CFAP47: variants seen among roughly 807,000 people sequenced by gnomAD.
CFAP47 encodes the protein cilia- and flagella-associated protein 47.
Under a neutral mutation model 148.1 loss-of-function variants are expected in CFAP47, and 29 were observed. The ratio of observed to expected loss-of-function variants is 0.20; its 90% CI spans 0.15 to 0.27. The LOEUF (loss-of-function observed/expected upper bound fraction) is 0.27. Ranked by LOEUF, CFAP47 falls within the 10% of genes least tolerant of loss-of-function variation. The pLI, the probability that CFAP47 is intolerant of heterozygous loss-of-function variation, is 1.00. For synonymous variants in CFAP47, 664 were observed against 577.3 expected, an observed-to-expected ratio of 1.15 and a Z score of -2.15; for missense variants, 1,872 against 1,697.5, an observed-to-expected ratio of 1.10 and a Z score of -1.81.
Position 35,953,680 on chromosome X carries a change from G to A in CFAP47, c.1135G>A (p.Asp379Asn). ...FLRFESVGSK[D>N]GFLRDDDYKT... is the part of the protein sequence containing the mutation. ...GAGATTTGAGTCCGTAGGAAGTAAA[G>A]ATGGATTTTTGAGAGATGATGACTA... Residue 379 changes from aspartate (D) to asparagine (N), a missense_variant, in exon 7 of 64, where the codon GAT becomes AAT. By Grantham distance (23) the Asp-to-Asn change is conservative (BLOSUM62 1). Transcript: ENST00000378653. 8.3e-7 allele frequency: 1 copy of A among 1,203,303 alleles called. No individual in the cohort carries two copies. The highest frequency in any genetic ancestry group is 1.8e-5 in the South Asian group (1 of 56,330).
rs919320013 is a variant in CFAP47 at position 36,099,755 on chromosome X, C to T, written c.5003C>T (p.Ser1668Phe). 1.2e-6 allele frequency: 1 copy of T among 825,436 alleles called. No homozygotes were observed. 68.0% of individuals were successfully genotyped at this position (825,436 alleles called of 1,213,427 possible). ...DYKRWIEIMS[S>F]TNTMPVSSCT... ...GTACTATTTTATTTCTTAAAGTCTTCCACTAATACGATGCCTGTGAGTTCC... is the reference window on the plus strand; with the variant it reads ...GTACTATTTTATTTCTTAAAGTCTTTCACTAATACGATGCCTGTGAGTTCC... The change falls in exon 32 of 64, where the codon TCC becomes TTC. Residue 1668 changes from serine to phenylalanine, a missense_variant. Physicochemically the swap from Ser to Phe is radical, Grantham distance 155 (BLOSUM62 -2). Coordinates refer to ENST00000378653, the MANE Select transcript of CFAP47 (RefSeq NM_001304548.2).
At position 36,201,439 on chromosome X, in the gene CFAP47, G is replaced by A. The variant is rs1305366193; in HGVS notation, c.6602G>A (p.Gly2201Asp). The change falls in exon 44 of 64, where the codon GGC (glycine) becomes GAC (aspartate). Residue 2201 changes from glycine (G) to aspartate (D), a missense_variant. Transcript: ENST00000378653. ...SIEYERRLITGTLESSSIRVA... is the reference protein window; with the variant it reads ...SIEYERRLITDTLESSSIRVA... ...GAGTATGAGCGAAGGTTGATCACAG[G>A]CACTCTAGAGAGCAGTAGTATCCGT... is the stretch of plus-strand genomic sequence containing the variant. The A allele has an allele frequency of 3.4e-6, 1 of 297,033 alleles. No homozygotes were observed. The highest frequency in any genetic ancestry group is 5.9e-6 in the Non-Finnish European group (1 of 169,973). The allele number at this position is 297,033 out of a possible 1,213,427, so 24.5% of individuals were successfully genotyped here.
chrX:36,186,773 C>T (rs1939811680), intron 40 of CFAP47, among the ~76,000 whole-genome samples: 1 of 111,117 alleles, frequency 9.0e-6, no homozygotes, highest in African/African-American at 3.3e-5. Flanking sequence ...AATATTACCC[C>T]TTCACACCTC....
chrX:36,131,694 T>C (rs56071483), intron 33 of CFAP47, among the ~76,000 whole-genome samples: 16,734 of 111,097 alleles, frequency 0.15, 2,614 homozygotes, highest in African/African-American at 0.47. Flanking sequence ...TACTTATACA[T>C]GCTGCAACAT....
rs1056232857 is a variant in CFAP47, at chrX:36,227,647, C to T, written c.6818-981C>T. On this transcript the variant is annotated intron_variant, in intron 45 of 63. Coordinates refer to ENST00000378653, the MANE Select transcript of CFAP47 (RefSeq NM_001304548.2). The stretch of plus-strand genomic sequence containing the variant: ...CACTTTGGGAGAATTAAAATTGTAG[C>T]CATTTAATGTCATAATATGTGTCTG... 4.5e-5 allele frequency among the ~76,000 whole-genome samples: 5 copies of T among 111,835 alleles called. No homozygotes were observed. The East Asian group carries it at 1.4e-3, about 32-fold the overall frequency.
chrX:36,159,696 T>G, intron 38 of CFAP47, 120 bp downstream of exon 38: 1 of 284,617 alleles, frequency 3.5e-6, no homozygotes, highest in Non-Finnish European at 6.2e-6. Flanking sequence ...CCCTGTGCCA[T>G]GGATACTTGT....
intron 45 of CFAP47, among the ~76,000 whole-genome samples, chrX:36,214,209 T>C (rs1007569801): frequency 8.9e-6 from 1 of 111,974 alleles, no homozygotes; most frequent in East Asian, 2.8e-4. Context: ...CACTGCTAAG[T>C]ATTTGTGTAG....
chrX:36,142,025 T>TAA (rs397946794), intron 35 of CFAP47, among the ~76,000 whole-genome samples: 2 of 108,589 alleles, frequency 1.8e-5, no homozygotes, highest in African/African-American at 6.8e-5. Flanking sequence ...TGATTAAAAA[T>TAA]AAAAAAAAAG....
chrX:36,135,269 TC>T (rs1350849405), intron 33 of CFAP47, among the ~76,000 whole-genome samples: 2 of 109,886 alleles, frequency 1.8e-5, no homozygotes, highest in Admixed American at 2.0e-4. Context: ...TACCATCAGT[TC>T]CCCCCAAAAC....
chrX:36,319,847 CAG>C (rs1370538561), intron 57 of CFAP47, among the ~76,000 whole-genome samples: 4 of 110,969 alleles, frequency 3.6e-5, no homozygotes, highest in Non-Finnish European at 5.7e-5. Context: ...TGTTTTGAGA[CAG>C]AGTCTCACTC....
intron 8 of CFAP47, among the ~76,000 whole-genome samples, chrX:35,964,385 A>G (rs1257856405): frequency 9.0e-6 from 1 of 110,949 alleles, no homozygotes; most frequent in Non-Finnish European, 1.9e-5. Flanking sequence ...GTAGTTTTTC[A>G]AGATTCTCTG....
chrX:36,178,790 G>A (rs1270003304), intron 39 of CFAP47, among the ~76,000 whole-genome samples: 2 of 111,536 alleles, frequency 1.8e-5, no homozygotes, highest in Non-Finnish European at 3.8e-5. Flanking sequence ...AGAACCTCAT[G>A]TCCTACAAGT....
At chrX:35,974,132 G>T (rs73468931) in intron 13 of CFAP47, among the ~76,000 whole-genome samples, 2,066 of 111,550 alleles carry the variant, frequency 0.019, 50 homozygotes, top group African/African-American at 0.063. Flanking sequence ...TAAGTAGATC[G>T]AGAATAATAG....
rs1941294125 is a variant in CFAP47 at position 36,301,084 on chromosome X, G to A, written c.7875G>A (p.Gln2625=). ...TGYSDESIIF[Q]PEMAEEFWYL... ...TTCTCTCCACCAGCATTATTTTTCA[G>A]CCTGAAATGGCTGAAGAGTTCTGGT... Residue 2625 remains glutamine, a synonymous_variant, in exon 53 of 64, where the codon CAG becomes CAA. Coordinates refer to ENST00000378653, the MANE Select transcript of CFAP47 (RefSeq NM_001304548.2). 1 of 1,139,515 alleles carries A rather than the reference G, an allele frequency of 8.8e-7. No individual in the cohort carries two copies. The highest frequency in any genetic ancestry group is 2.0e-5 in the South Asian group (1 of 49,730). The allele number at this position is 1,139,515 out of a possible 1,213,427, so 93.9% of individuals were successfully genotyped here. A position where few individuals can be genotyped will look rare whatever the true frequency, so the allele number is the denominator to read the frequency against.
intron 1 of CFAP47, 58 bp downstream of exon 1, chrX:35,920,106 G>A (rs959306757): frequency 1.4e-5 from 16 of 1,111,802 alleles, no homozygotes; most frequent in African/African-American, 1.1e-4. Flanking sequence ...CTCACACTGC[G>A]TCTCTCTTTG....
At chrX:36,268,944 A>G (rs1489532642) in intron 49 of CFAP47, among the ~76,000 whole-genome samples, 5 of 112,304 alleles carry the variant, frequency 4.5e-5, no homozygotes, top group African/African-American at 1.6e-4. Flanking sequence ...AGCATAATCT[A>G]TTGAATTTAC....
At chrX:35,946,960 A>T (rs1160827687) in intron 3 of CFAP47, among the ~76,000 whole-genome samples, 3 of 111,770 alleles carry the variant, frequency 2.7e-5, no homozygotes, top group Non-Finnish European at 5.6e-5. Flanking sequence ...ACCATAAATT[A>T]TGAACCATTT....
intron 57 of CFAP47, among the ~76,000 whole-genome samples, chrX:36,327,145 A>G (rs1556013215): frequency 1.4e-4 from 16 of 111,829 alleles, no homozygotes; most frequent in Non-Finnish European, 7.5e-5. Context: ...ACAGAAACAA[A>G]CAGACCAACA....
chrX:35,947,869 G>A (rs985401327), intron 3 of CFAP47, among the ~76,000 whole-genome samples: 4 of 111,685 alleles, frequency 3.6e-5, no homozygotes, highest in African/African-American at 1.3e-4. Context: ...GTGTCTGAAC[G>A]TAGTAAGCAG....
Sources: allele counts gnomAD v4.1 joint callset (sites outside exome capture counted in the v4.1 genomes callset), GRCh38; gene constraint gnomAD v4.1.1; transcripts MANE v1.5; gene names NCBI Gene and HGNC (gene_info 2026-07-23, HGNC 2026-07-21).